Variants in CSMD1 observed in about 807,000 individuals in gnomAD.
CSMD1 encodes CUB and Sushi multiple domains 1.
CSMD1 carries 213 observed loss-of-function variants against 417.5 expected under a neutral mutation model. That is an observed-to-expected ratio of 0.51 (90% confidence interval 0.46 to 0.57). The LOEUF (loss-of-function observed/expected upper bound fraction) is 0.57. Ranked by LOEUF, CSMD1 falls within the 20% of genes least tolerant of loss-of-function variation. CSMD1 has a pLI of 0.00. For synonymous variants in CSMD1, 2,862 were observed against 1,736.8 expected (o/e 1.65, Z -16.11); for missense variants, 6,923 against 4,529.7 (o/e 1.53, Z -15.17).
chr8:3,381,491 T>C (rs1400728207), intron 18 of CSMD1, among the ~76,000 whole-genome samples: 1 of 152,154 alleles, frequency 6.6e-6, no homozygotes, highest in East Asian at 1.9e-4. Context: ...AGATTCAAGT[T>C]CAGTTACACA....
Position 4,207,190 on chromosome 8 carries a change from C to A in CSMD1, c.416-175091G>T, listed in dbSNP as rs549622729. ...TAATAAGTATAAGATTACAAGTTGA[C>A]GTAGATAGGAAATGAATGTGAAAAG... On this transcript the variant is annotated intron_variant, in intron 3 of 69. Coordinates refer to ENST00000635120, the MANE Select transcript of CSMD1 (RefSeq NM_033225.6). Among the ~76,000 whole-genome samples the A allele has an allele frequency of 2.6e-5, 4 of 152,122 alleles. No individual in the cohort carries two copies. The East Asian group carries it at 7.7e-4, about 29-fold the overall frequency.
chr8:3,262,221 A>ATC (rs1323387414), intron 26 of CSMD1, among the ~76,000 whole-genome samples: 2 of 117,142 alleles, frequency 1.7e-5, no homozygotes, highest in African/African-American at 6.5e-5. Context: ...ATATATATAT[A>ATC]TATATATATA....
intron 1 of CSMD1, among the ~76,000 whole-genome samples, chr8:4,662,597 T>G (rs931423575): frequency 6.6e-6 from 1 of 152,206 alleles, no homozygotes; most frequent in Non-Finnish European, 1.5e-5. Flanking sequence ...ACAATGCCAG[T>G]CTTGACGGCT....
At position 4,920,101 on chromosome 8, in the gene CSMD1, G is replaced by A. The variant is rs191325906; in HGVS notation, c.85+74231C>T. On this transcript the variant is annotated intron_variant, in intron 1 of 69. Coordinates refer to ENST00000635120, the MANE Select transcript of CSMD1 (RefSeq NM_033225.6). ...GAAAAGACAAATAGAAGACAATGTT[G>A]AGATCAATCAAGGTAGGTTATCATG... is the stretch of plus-strand genomic sequence containing the variant. Among the ~76,000 whole-genome samples, 8 of 152,256 alleles carry A rather than the reference G, an allele frequency of 5.3e-5. No homozygotes were observed. In the East Asian group the frequency reaches 1.5e-3, roughly 29 times the overall value.
At chr8:4,929,471 G>A (rs779622007) in intron 1 of CSMD1, among the ~76,000 whole-genome samples, 1 of 152,102 alleles carries the variant, frequency 6.6e-6, no homozygotes, top group Non-Finnish European at 1.5e-5. Flanking sequence ...CTATGCATAG[G>A]GTCGTGAAAA....
chr8:3,156,823 C>T (rs183127177), intron 39 of CSMD1, among the ~76,000 whole-genome samples: 6 of 151,300 alleles, frequency 4.0e-5, no homozygotes, highest in East Asian at 1.9e-4. Context: ...TCCATGGAGA[C>T]GATAATTTAG....
intron 37 of CSMD1, among the ~76,000 whole-genome samples, chr8:3,172,587 G>A (rs894566806): frequency 1.3e-5 from 2 of 152,150 alleles, no homozygotes; most frequent in Non-Finnish European, 2.9e-5. Flanking sequence ...AAGAGGGCAG[G>A]GCGAGACATG....
chr8:3,581,174 A>G (rs1160735859), intron 9 of CSMD1, among the ~76,000 whole-genome samples: 1 of 152,180 alleles, frequency 6.6e-6, no homozygotes, highest in Non-Finnish European at 1.5e-5. Flanking sequence ...ACCAGCCTGA[A>G]CATTTTACTT....
intron 3 of CSMD1, among the ~76,000 whole-genome samples, chr8:4,297,222 A>T (rs1050944037): frequency 1.1e-4 from 17 of 152,276 alleles, no homozygotes; most frequent in African/African-American, 4.1e-4. Context: ...GAAACTGGGG[A>T]CCAAACATTT....
At chr8:4,424,989 A>G (rs1181994536) in intron 2 of CSMD1, among the ~76,000 whole-genome samples, 4 of 152,132 alleles carry the variant, frequency 2.6e-5, no homozygotes, top group African/African-American at 9.6e-5. Context: ...AGTAACCAAA[A>G]TAATGCTATT....
intron 3 of CSMD1, among the ~76,000 whole-genome samples, chr8:4,347,962 T>C (rs1250792354): frequency 6.6e-6 from 1 of 152,022 alleles, no homozygotes; most frequent in Non-Finnish European, 1.5e-5. Context: ...ACAGAAGAAT[T>C]TATACACGGG....
chr8:4,457,664 C>G (rs181314840), intron 2 of CSMD1, among the ~76,000 whole-genome samples: 2 of 152,118 alleles, frequency 1.3e-5, no homozygotes, highest in African/African-American at 4.8e-5. Context: ...ATGTTAAGCT[C>G]AGACAATGAA....
chr8:3,789,733 T>G (rs1228355420), intron 5 of CSMD1, among the ~76,000 whole-genome samples: 1 of 145,870 alleles, frequency 6.9e-6, no homozygotes, highest in Non-Finnish European at 1.5e-5. Context: ...TTAATTTTTT[T>G]TTTTTTTTTT....
intron 1 of CSMD1, among the ~76,000 whole-genome samples, chr8:4,862,068 A>T (rs1394573850): frequency 6.6e-6 from 1 of 152,098 alleles, no homozygotes; most frequent in East Asian, 1.9e-4. Context: ...GGGAAATGCT[A>T]CTGGGAATGG....
At chr8:4,506,417 G>A (rs1234488867) in intron 2 of CSMD1, among the ~76,000 whole-genome samples, 1 of 152,022 alleles carries the variant, frequency 6.6e-6, no homozygotes, top group African/African-American at 2.4e-5. Flanking sequence ...GATGAACGCC[G>A]CACTTCAGGC....
At chr8:4,713,293 G>A (rs1405300377) in intron 1 of CSMD1, among the ~76,000 whole-genome samples, 2 of 152,178 alleles carry the variant, frequency 1.3e-5, no homozygotes, top group Non-Finnish European at 2.9e-5. Context: ...GTTGGTTTTT[G>A]GAAACCTGGG....
intron 2 of CSMD1, among the ~76,000 whole-genome samples, chr8:4,435,552 T>A (rs1798102581): frequency 1.3e-5 from 2 of 152,178 alleles, no homozygotes; most frequent in Admixed American, 1.3e-4. Flanking sequence ...CTCAAAACAT[T>A]TTCCTATGGC....
chr8:3,750,546 G>C lies in CSMD1; in HGVS notation c.931+3384C>G, dbSNP rs958460419. On this transcript the variant is annotated intron_variant, in intron 6 of 69. Coordinates refer to ENST00000635120, the MANE Select transcript of CSMD1 (RefSeq NM_033225.6). ...TTTTTGTTGGCACAAATAATATCAGGCTTTCCTTCTTTAATGTATTTAGTT... is the reference window on the plus strand; with the variant it reads ...TTTTTGTTGGCACAAATAATATCAGCCTTTCCTTCTTTAATGTATTTAGTT... 2.6e-5 allele frequency among the ~76,000 whole-genome samples: 4 copies of C among 151,898 alleles called. No homozygotes were observed. The East Asian group carries it at 5.8e-4, about 22-fold the overall frequency.
chr8:4,912,797 GA>G (rs1478941744), intron 1 of CSMD1, among the ~76,000 whole-genome samples: 4 of 119,372 alleles, frequency 3.4e-5, no homozygotes, highest in African/African-American at 1.0e-4. Context: ...ATTTTTTTTG[GA>G]GGGGGGGCAC....
Sources: gnomAD v4.1 joint callset for allele counts (sites outside exome capture counted in the v4.1 genomes callset) on GRCh38, gnomAD v4.1.1 for gene constraint, MANE v1.5 for transcripts, NCBI Gene and HGNC (gene_info 2026-07-23, HGNC 2026-07-21) for gene names.